Variants in NAA11 observed in about 807,000 individuals in gnomAD.
The protein encoded by NAA11 is N-alpha-acetyltransferase 11, NatA catalytic subunit.
Under a neutral mutation model 16.1 loss-of-function variants are expected in NAA11, and 15 were observed. The ratio of observed to expected loss-of-function variants is 0.93; its 90% CI spans 0.62 to 1.44. NAA11 has a LOEUF of 1.44. Among genes scored for constraint, NAA11 ranks in the 40% most tolerant of loss-of-function variants. The pLI is 0.00. For synonymous variants in NAA11, 122 were observed against 112.4 expected (o/e 1.09, Z -0.54); for missense variants, 298 against 291.3 (o/e 1.02, Z -0.17).
At chr4:79,295,484 C>A (rs1294888672) in intron 1 of NAA11, among the ~76,000 whole-genome samples, 1 of 152,158 alleles carries the variant, frequency 6.6e-6, no homozygotes, top group Non-Finnish European at 1.5e-5. Context: ...TGCTGACACA[C>A]AAAAGCAACT....
At chr4:79,248,887 C>T (rs1035154986) in intron 2 of NAA11, among the ~76,000 whole-genome samples, 9 of 152,246 alleles carry the variant, frequency 5.9e-5, no homozygotes, top group African/African-American at 1.2e-4. Context: ...TGCCACTGCA[C>T]TGACACATGC....
chr4:79,158,700 T>TAG, the NAA11 span, among the ~76,000 whole-genome samples: 1 of 124,984 alleles, frequency 8.0e-6, no homozygotes, highest in Non-Finnish European at 1.6e-5. Context: ...CATTACCTGA[T>TAG]ATATATATAT....
chr4:79,155,910 A>G, the NAA11 span, among the ~76,000 whole-genome samples: 2 of 152,182 alleles, frequency 1.3e-5, 1 homozygote, highest in South Asian at 4.1e-4. Flanking sequence ...TATTCTGATC[A>G]CATCGACTTT....
chr4:79,211,786 G>A, the NAA11 span: 5 of 152,172 alleles, frequency 3.3e-5, no homozygotes, highest in African/African-American at 1.2e-4. Context: ...TCACTTTGCA[G>A]GAAAACAGAA....
intron 2 of NAA11, among the ~76,000 whole-genome samples, chr4:79,288,195 C>T (rs1014734328): frequency 2.6e-5 from 4 of 152,150 alleles, no homozygotes; most frequent in African/African-American, 9.7e-5. Flanking sequence ...TCTTTCCCCA[C>T]TGACACCTCA....
chr4:79,288,937 T>C lies in NAA11; in HGVS notation c.*122+5068A>G, dbSNP rs1339987406. ...TATACTTTTTCACTTATTAAATGAT[T>C]ATTCTTTATGTCATTCAATATTTTT... On this transcript the variant is annotated intron_variant and NMD_transcript_variant, in intron 2 of 2. Transcript: ENST00000511542. Among the ~76,000 whole-genome samples the C allele has an allele frequency of 2.0e-5, 3 of 152,232 alleles. No homozygotes were observed. The East Asian group carries it at 5.8e-4, about 29-fold the overall frequency.
chr4:79,187,655 G>T, the NAA11 span, among the ~76,000 whole-genome samples: 1 of 152,100 alleles, frequency 6.6e-6, no homozygotes, highest in Non-Finnish European at 1.5e-5. Context: ...CTAACCTTCA[G>T]TTATTTAATG....
In NAA11 at chr4:79,325,051, C is replaced by T. The variant is rs1455093660; in HGVS notation, c.*12+125G>A. 5.1e-6 allele frequency: 4 copies of T among 782,782 alleles called. No homozygotes were observed. The East Asian group carries it at 8.1e-5, about 16-fold the overall frequency. 48.5% of individuals were successfully genotyped at this position (782,782 alleles called of 1,614,324 possible). On this transcript the variant is annotated intron_variant, in intron 1 of 1. Transcript: ENST00000286794. Reference sequence around the variant, plus strand: ...CACTCTAACTTCTCCCTAAGGTCACCAGGTGGTTTTTACCGTAAAATCTCG... The same window carrying T: ...CACTCTAACTTCTCCCTAAGGTCACTAGGTGGTTTTTACCGTAAAATCTCG...
At chr4:79,300,867 A>G (rs1259991255) in intron 1 of NAA11, among the ~76,000 whole-genome samples, 1 of 152,158 alleles carries the variant, frequency 6.6e-6, no homozygotes, top group African/African-American at 2.4e-5. Context: ...AGGTTGTAAT[A>G]GCAGTTCGTG....
chr4:79,304,685 T>C (rs577941416), intron 1 of NAA11, among the ~76,000 whole-genome samples: 2 of 152,268 alleles, frequency 1.3e-5, no homozygotes, highest in East Asian at 3.9e-4. Flanking sequence ...AATATCCTTT[T>C]TGGGATTTTT....
the NAA11 span, among the ~76,000 whole-genome samples, chr4:79,193,901 T>C: frequency 1.3e-5 from 2 of 152,314 alleles, no homozygotes; most frequent in African/African-American, 4.8e-5. Flanking sequence ...TTTTATTTCA[T>C]TGAGCAGTGG....
At chr4:79,246,177 A>G (rs568836283) in intron 2 of NAA11, among the ~76,000 whole-genome samples, 1 of 152,290 alleles carries the variant, frequency 6.6e-6, no homozygotes, top group Admixed American at 6.5e-5. Context: ...TGAAGGCAGC[A>G]TGCTGGTTAA....
the NAA11 span, among the ~76,000 whole-genome samples, chr4:79,202,544 A>ACG: frequency 8.9e-5 from 12 of 135,492 alleles, no homozygotes; most frequent in Non-Finnish European, 1.4e-4. Context: ...ACACACACGC[A>ACG]CACACACACA....
chr4:79,198,355 C>T, the NAA11 span, among the ~76,000 whole-genome samples: 1 of 151,868 alleles, frequency 6.6e-6, no homozygotes, highest in African/African-American at 2.4e-5. Flanking sequence ...ATTGTACTTT[C>T]CATCTGAATT....
At chr4:79,163,555 C>T in the NAA11 span, among the ~76,000 whole-genome samples, 23 of 152,320 alleles carry the variant, frequency 1.5e-4, no homozygotes, top group African/African-American at 4.8e-4. Context: ...CTGCTGGCAT[C>T]AGTGCTTGGG....
the NAA11 span, among the ~76,000 whole-genome samples, chr4:79,159,817 G>GCCCTTTCGTGCCCTTA: frequency 6.6e-6 from 1 of 151,966 alleles, no homozygotes; most frequent in African/African-American, 2.4e-5. Context: ...GCCCTTTCGT[G>GCCCTTTCGTGCCCTTA]ACTGACTCTT....
intron 2 of NAA11, among the ~76,000 whole-genome samples, chr4:79,260,207 A>G (rs1722216754): frequency 6.6e-6 from 1 of 152,190 alleles, no homozygotes; most frequent in African/African-American, 2.4e-5. Flanking sequence ...TGCCAGTAAC[A>G]CATACATTGT....
intron 1 of NAA11, among the ~76,000 whole-genome samples, chr4:79,322,977 T>C (rs553239866): frequency 1.8e-3 from 268 of 152,160 alleles, no homozygotes; most frequent in African/African-American, 5.8e-3. Flanking sequence ...GTTTTGGCAT[T>C]AAAATGCAAA....
the NAA11 span, among the ~76,000 whole-genome samples, chr4:79,182,081 A>G: frequency 6.6e-6 from 1 of 152,210 alleles, no homozygotes; most frequent in Non-Finnish European, 1.5e-5. Flanking sequence ...CAGAGTCACA[A>G]GTAATAACTA....
Sources: allele counts gnomAD v4.1 joint callset (sites outside exome capture counted in the v4.1 genomes callset), GRCh38; gene constraint gnomAD v4.1.1; transcripts MANE v1.5; gene names NCBI Gene and HGNC (gene_info 2026-07-23, HGNC 2026-07-21).